Variants in PLCG2 observed in about 807,000 individuals in gnomAD.
The protein encoded by PLCG2 is 1-phosphatidylinositol 4,5-bisphosphate phosphodiesterase gamma-2.
A neutral mutation model predicts 175.6 loss-of-function variants in PLCG2; 69 were observed. The observed-to-expected ratio is 0.39, with a 90% confidence interval of 0.32 to 0.48. PLCG2 has a LOEUF of 0.48. Among genes scored for constraint, PLCG2 ranks in the 20% least tolerant of loss-of-function variants. The probability of loss-of-function intolerance (pLI) is 0.91; values close to 1 mark genes in which losing one functional copy is unlikely to be tolerated. For synonymous variants in PLCG2, 827 were observed against 624.0 expected (o/e 1.33, Z -4.85); for missense variants, 1,798 against 1,650.9 (o/e 1.09, Z -1.54).
chr16:81,790,902 AC>A (rs1911202213), intron 2 of PLCG2, among the ~76,000 whole-genome samples: 3 of 152,230 alleles, frequency 2.0e-5, no homozygotes, highest in East Asian at 3.9e-4. Flanking sequence ...TCTGTAGTGC[AC>A]AGGACAGTCC....
At chr16:81,894,300 G>T (rs987626724) in intron 12 of PLCG2, among the ~76,000 whole-genome samples, 25 of 152,324 alleles carry the variant, frequency 1.6e-4, no homozygotes, top group African/African-American at 6.0e-4. Flanking sequence ...GTAGTGGCAT[G>T]CGCCTGTGGT....
intron 9 of PLCG2, among the ~76,000 whole-genome samples, chr16:81,887,590 A>G (rs181774922): frequency 1.5e-3 from 227 of 152,258 alleles, no homozygotes; most frequent in Non-Finnish European, 1.4e-3. Context: ...TCTTGCACCC[A>G]TGCATGTCAC....
intron 30 of PLCG2, among the ~76,000 whole-genome samples, chr16:81,941,044 G>GTTAC (rs1232747168): frequency 1.2e-4 from 18 of 152,296 alleles, no homozygotes; most frequent in Non-Finnish European, 2.1e-4. Context: ...TGTCATTTTA[G>GTTAC]TTACTTACAT....
At chr16:81,797,592 G>A (rs1260535423) in intron 2 of PLCG2, among the ~76,000 whole-genome samples, 1 of 152,196 alleles carries the variant, frequency 6.6e-6, no homozygotes, top group Admixed American at 6.5e-5. Flanking sequence ...GCCTGTGGCT[G>A]GTGCTCCTCA....
chr16:81,741,635 C>A (rs1033907798), intron 1 of PLCG2, among the ~76,000 whole-genome samples: 3 of 152,080 alleles, frequency 2.0e-5, no homozygotes, highest in Non-Finnish European at 2.9e-5. Flanking sequence ...CATGGTGAAA[C>A]CCTGTCTCTA....
At chr16:81,765,861 T>C (rs74639333) in intron 2 of PLCG2, among the ~76,000 whole-genome samples, 1,688 of 152,298 alleles carry the variant, frequency 0.011, 27 homozygotes, top group African/African-American at 0.039. Flanking sequence ...TGTGGACAGC[T>C]GCTGTGTAGC....
rs1908195476 is a variant in PLCG2 at position 81,883,471 on chromosome 16, C to T, written c.765+130C>T. The T allele has an allele frequency of 1.0e-5, 7 of 687,046 alleles. No individual in the cohort carries two copies. The South Asian group carries it at 1.2e-4, about 11-fold the overall frequency. The allele number at this position is 687,046 out of a possible 1,614,324, so 42.6% of individuals were successfully genotyped here. On this transcript the variant is annotated intron_variant, in intron 9 of 32. Coordinates refer to ENST00000564138, the MANE Select transcript of PLCG2 (RefSeq NM_002661.5). The stretch of plus-strand genomic sequence containing the variant: ...CTGGCCACCTGTGCTCACCTGGCCA[C>T]CTGTCTTCATGGAACGATTGCAGTC...
chr16:81,917,726 AT>A (rs1005038732), intron 19 of PLCG2, among the ~76,000 whole-genome samples: 9 of 152,148 alleles, frequency 5.9e-5, no homozygotes, highest in Middle Eastern at 3.4e-3. Flanking sequence ...ATTTTTTAAA[AT>A]TTTTTATTTT....
chr16:81,935,699 TCTC>T, intron 26 of PLCG2: 3 of 985,250 alleles, frequency 3.0e-6, no homozygotes, highest in South Asian at 4.7e-5. Context: ...TCCCCTTCCC[TCTC>T]CTCCTGTTCT....
At chr16:81,900,289 G>T (rs1000401791) in intron 13 of PLCG2, among the ~76,000 whole-genome samples, 1 of 152,196 alleles carries the variant, frequency 6.6e-6, no homozygotes, top group East Asian at 1.9e-4. Context: ...CATCTTTTCT[G>T]TAGGTTTGAA....
At chr16:81,895,781 T>A (rs776036196) in intron 12 of PLCG2, 26 bp from the exon 13 acceptor site, 1 of 1,613,822 alleles carries the variant, frequency 6.2e-7, no homozygotes, top group Non-Finnish European at 8.5e-7. Context: ...CACGTGGTAT[T>A]GAGGCTGCCG....
At chr16:81,794,122 G>T (rs1324734919) in intron 2 of PLCG2, among the ~76,000 whole-genome samples, 1 of 152,106 alleles carries the variant, frequency 6.6e-6, no homozygotes, top group African/African-American at 2.4e-5. Flanking sequence ...AGGAGACTCA[G>T]TGCTCATCCT....
chr16:81,867,321 C>T (rs776267082), intron 5 of PLCG2, among the ~76,000 whole-genome samples: 1 of 152,364 alleles, frequency 6.6e-6, no homozygotes, highest in South Asian at 2.1e-4. Context: ...ACACTTGGCT[C>T]CAGCCAGAAG....
chr16:81,799,915 C>T (rs573408022), intron 2 of PLCG2, among the ~76,000 whole-genome samples: 3 of 152,226 alleles, frequency 2.0e-5, no homozygotes, highest in South Asian at 4.1e-4. Flanking sequence ...TTTTAAATGT[C>T]GATGTTGGTT....
intron 2 of PLCG2, among the ~76,000 whole-genome samples, chr16:81,824,754 G>A (rs953984701): frequency 9.9e-5 from 15 of 152,112 alleles, no homozygotes; most frequent in Non-Finnish European, 4.4e-5. Context: ...TTCATTGGAT[G>A]GTGACTCCCT....
chr16:81,907,520 A>T (rs1054747500), intron 15 of PLCG2, among the ~76,000 whole-genome samples, 165 bp from the exon 16 acceptor site: 40 of 152,246 alleles, frequency 2.6e-4, no homozygotes, highest in Non-Finnish European at 4.4e-4. Context: ...TAAAAAAGAA[A>T]TGCCTTGTAA....
chr16:81,784,156 G>C (rs1405896981), intron 1 of PLCG2, among the ~76,000 whole-genome samples: 1 of 152,196 alleles, frequency 6.6e-6, no homozygotes, highest in Non-Finnish European at 1.5e-5. Flanking sequence ...TGACCGAGGA[G>C]GTCCCTTTGG....
At chr16:81,787,205 T>C (rs958594901) in intron 2 of PLCG2, among the ~76,000 whole-genome samples, 2 of 134,706 alleles carry the variant, frequency 1.5e-5, no homozygotes, top group African/African-American at 5.6e-5. Context: ...ACTATCATTG[T>C]ACTCTTTTTT....
chr16:81,753,342 G>GTTTTTTTTTTTTTTTTT (rs34438350), intron 1 of PLCG2, among the ~76,000 whole-genome samples: 1 of 91,124 alleles, frequency 1.1e-5, no homozygotes, highest in Non-Finnish European at 2.1e-5. Context: ...GTCCTGGCAG[G>GTTTTTTTTTTTTTTTTT]TTTTTTTTTT....
Sources: allele counts gnomAD v4.1 joint callset (sites outside exome capture counted in the v4.1 genomes callset), GRCh38; gene constraint gnomAD v4.1.1; transcripts MANE v1.5; gene names NCBI Gene and HGNC (gene_info 2026-07-23, HGNC 2026-07-21).